NR6A1: variants seen among roughly 807,000 people sequenced by gnomAD.
The protein encoded by NR6A1 is retinoic acid receptor-related testis-associated receptor.
NR6A1 carries 7 observed loss-of-function variants against 59.1 expected under a neutral mutation model. The observed-to-expected ratio is 0.12, with a 90% CI of 0.07 to 0.22. The LOEUF (loss-of-function observed/expected upper bound fraction) is 0.22. Ranked by LOEUF, NR6A1 falls within the 10% of genes least tolerant of loss-of-function variation. The pLI is 1.00. For synonymous variants in NR6A1, 243 were observed against 236.1 expected (o/e 1.03, Z -0.27); for missense variants, 468 against 611.6 (o/e 0.77, Z 2.48).
At chr9:124,549,530 C>G (rs1383143199) in intron 3 of NR6A1, among the ~76,000 whole-genome samples, 1 of 152,208 alleles carries the variant, frequency 6.6e-6, no homozygotes, top group Admixed American at 6.5e-5. Context: ...TTCTTTAGAT[C>G]TTCCTCATTG....
chr9:124,584,611 G>A (rs1355877320), intron 2 of NR6A1, among the ~76,000 whole-genome samples: 15 of 152,034 alleles, frequency 9.9e-5, no homozygotes, highest in Admixed American at 9.8e-4. Flanking sequence ...AATTGTTTGG[G>A]GGTGCCACGA....
chr9:124,685,704 G>GA (rs1281031314), intron 2 of NR6A1, among the ~76,000 whole-genome samples: 1 of 152,268 alleles, frequency 6.6e-6, no homozygotes, highest in East Asian at 1.9e-4. Context: ...CTGATAGTCT[G>GA]AAAGTTACAA....
chr9:124,750,835 A>G (rs1840480063), intron 1 of NR6A1, among the ~76,000 whole-genome samples: 1 of 152,140 alleles, frequency 6.6e-6, no homozygotes, highest in African/African-American at 2.4e-5. Flanking sequence ...TAAACAAGCA[A>G]TTTTCAAAGA....
In NR6A1 at chr9:124,567,051, T is replaced by A. The variant is rs1285682897; in HGVS notation, c.143-12481A>T. ...TGAACCCGGGAGGCGGAGCTTGCAG[T>A]GAGCCGAGATCCCGCCACTGCACTC... is the stretch of plus-strand genomic sequence containing the variant. On this transcript the variant is annotated intron_variant, in intron 2 of 9. Coordinates refer to ENST00000487099, the MANE Select transcript of NR6A1 (RefSeq NM_033334.4). Among the ~76,000 whole-genome samples the A allele has an allele frequency of 2.0e-5, 3 of 148,452 alleles. No individual in the cohort carries two copies. The East Asian group carries it at 5.9e-4, about 29-fold the overall frequency.
chr9:124,624,310 C>T (rs1057135757), intron 2 of NR6A1, among the ~76,000 whole-genome samples: 3 of 152,154 alleles, frequency 2.0e-5, no homozygotes, highest in Non-Finnish European at 4.4e-5. Context: ...GGATCACAGC[C>T]GTGGGTAAGC....
intron 2 of NR6A1, among the ~76,000 whole-genome samples, chr9:124,703,819 T>C (rs973252688): frequency 8.5e-5 from 11 of 129,376 alleles, no homozygotes; most frequent in African/African-American, 2.0e-4. Context: ...ATTAGTATTA[T>C]TGCTTCCTTG....
chr9:124,677,906 T>C (rs1404569207), intron 2 of NR6A1, among the ~76,000 whole-genome samples: 1 of 152,164 alleles, frequency 6.6e-6, no homozygotes, highest in Non-Finnish European at 1.5e-5. Flanking sequence ...CCTTACAATT[T>C]AGAATGCATA....
chr9:124,583,304 C>A (rs1834826944), intron 2 of NR6A1, among the ~76,000 whole-genome samples: 1 of 152,190 alleles, frequency 6.6e-6, no homozygotes, highest in Admixed American at 6.5e-5. Context: ...CAGATGACTC[C>A]TTCACAGAGT....
intron 2 of NR6A1, among the ~76,000 whole-genome samples, chr9:124,700,579 T>A (rs1053185251): frequency 6.6e-6 from 1 of 152,018 alleles, no homozygotes; most frequent in Admixed American, 6.6e-5. Context: ...TAGCATGTAC[T>A]GGTAATTCAT....
intron 4 of NR6A1, among the ~76,000 whole-genome samples, chr9:124,543,153 C>T (rs780384008): frequency 6.6e-6 from 1 of 152,214 alleles, no homozygotes; most frequent in Admixed American, 6.5e-5. Flanking sequence ...AACTCCTTGT[C>T]ATAAAGATTC....
At chr9:124,710,917 C>T (rs1588816346) in intron 2 of NR6A1, among the ~76,000 whole-genome samples, 1 of 152,128 alleles carries the variant, frequency 6.6e-6, no homozygotes, top group Non-Finnish European at 1.5e-5. Flanking sequence ...CATTCAGCAT[C>T]ATCATTTTCA....
chr9:124,757,432 A>G (rs1435154659), intron 1 of NR6A1, among the ~76,000 whole-genome samples: 2 of 150,836 alleles, frequency 1.3e-5, no homozygotes, highest in Non-Finnish European at 2.9e-5. Flanking sequence ...AGAAAACGTA[A>G]TAGTATATAC....
At chr9:124,700,952 G>A (rs931118631) in intron 2 of NR6A1, among the ~76,000 whole-genome samples, 2 of 151,800 alleles carry the variant, frequency 1.3e-5, no homozygotes, top group Admixed American at 6.6e-5. Context: ...GTAGAGAAGG[G>A]GTTTCTCCAT....
chr9:124,637,901 AAAAAAAAAAAAG>A (rs1836659291), intron 2 of NR6A1, among the ~76,000 whole-genome samples: 1 of 143,426 alleles, frequency 7.0e-6, no homozygotes, highest in Admixed American at 6.7e-5. Context: ...CCAAAAAAAA[AAAAAAAAAAAAG>A]AAAAAAAGGG....
chr9:124,608,509 T>C (rs1835640077), intron 2 of NR6A1, among the ~76,000 whole-genome samples: 1 of 152,222 alleles, frequency 6.6e-6, no homozygotes, highest in Admixed American at 6.5e-5. Flanking sequence ...TTCCATGGTG[T>C]ATATATACCA....
At chr9:124,683,137 G>C (rs1202863984) in intron 2 of NR6A1, among the ~76,000 whole-genome samples, 1 of 152,102 alleles carries the variant, frequency 6.6e-6, no homozygotes, top group Admixed American at 6.6e-5. Flanking sequence ...AGGAGGTTGA[G>C]GCTGCAGTGA....
intron 2 of NR6A1, among the ~76,000 whole-genome samples, chr9:124,627,608 G>A (rs541919808): frequency 6.6e-6 from 1 of 152,306 alleles, no homozygotes; most frequent in South Asian, 2.1e-4. Context: ...CTGTCCCTTT[G>A]TCACCCAGGA....
chr9:124,722,618 T>A (rs1839595610), intron 2 of NR6A1, among the ~76,000 whole-genome samples: 1 of 152,172 alleles, frequency 6.6e-6, no homozygotes, highest in Non-Finnish European at 1.5e-5. Flanking sequence ...ATCTTGCCTA[T>A]TTTTTATCTT....
intron 2 of NR6A1, among the ~76,000 whole-genome samples, chr9:124,680,724 T>C (rs1321800889): frequency 6.6e-6 from 1 of 152,202 alleles, no homozygotes; most frequent in Non-Finnish European, 1.5e-5. Flanking sequence ...TAGAGTTTCC[T>C]AACATATGAA....
Sources: gnomAD v4.1 joint callset for allele counts (sites outside exome capture counted in the v4.1 genomes callset) on GRCh38, gnomAD v4.1.1 for gene constraint, MANE v1.5 for transcripts, NCBI Gene and HGNC (gene_info 2026-07-23, HGNC 2026-07-21) for gene names.